Variants in SAMD5 observed in about 807,000 individuals in gnomAD.
The protein encoded by SAMD5 is sterile alpha motif domain-containing protein 5.
In SAMD5, 13 loss-of-function variants were observed where a neutral mutation model predicts 11.3. The ratio of observed to expected loss-of-function variants is 1.15; its 90% CI spans 0.75 to 1.83. The LOEUF (loss-of-function observed/expected upper bound fraction) is 1.83. Ranked by LOEUF, SAMD5 falls within the 40% of genes most tolerant of loss-of-function variation. The pLI is 0.00. For synonymous variants in SAMD5, 129 were observed against 111.3 expected (o/e 1.16, Z -1.00); for missense variants, 255 against 239.1 (o/e 1.07, Z -0.44).
chr6:147,848,383 AAAG>A, the SAMD5 span, among the ~76,000 whole-genome samples: 9 of 152,214 alleles, frequency 5.9e-5, no homozygotes, highest in Non-Finnish European at 1.0e-4. Context: ...TGTTTTGAGT[AAAG>A]AAGACAGTGA....
At chr6:147,718,340 G>A (rs554159202) in intron 1 of SAMD5, among the ~76,000 whole-genome samples, 3 of 152,214 alleles carry the variant, frequency 2.0e-5, no homozygotes, top group Non-Finnish European at 2.9e-5. Flanking sequence ...TGGAGAATGC[G>A]GATGTCTCCA....
At chr6:147,927,781 A>G in the SAMD5 span, among the ~76,000 whole-genome samples, 1 of 152,160 alleles carries the variant, frequency 6.6e-6, no homozygotes, top group Non-Finnish European at 1.5e-5. Flanking sequence ...TTCCTCATTC[A>G]GTATGATGTT....
chr6:147,718,707 T>C (rs1583151992), intron 1 of SAMD5, among the ~76,000 whole-genome samples: 2 of 152,124 alleles, frequency 1.3e-5, no homozygotes, highest in East Asian at 3.9e-4. Context: ...TTCTTTTTTT[T>C]GGAGGCAAAG....
chr6:147,528,600 C>T (rs919842758), intron 1 of SAMD5, among the ~76,000 whole-genome samples: 4 of 152,190 alleles, frequency 2.6e-5, no homozygotes, highest in African/African-American at 4.8e-5. Flanking sequence ...CAGTTCACCC[C>T]ATAAGACTGA....
the SAMD5 span, among the ~76,000 whole-genome samples, chr6:147,755,921 T>TTTATTTCATTTCATTTCA: frequency 6.6e-6 from 1 of 152,176 alleles, no homozygotes; most frequent in Non-Finnish European, 1.5e-5. Flanking sequence ...AAATGAATGC[T>TTTATTTCATTTCATTTCA]TTTCATTTCA....
At chr6:147,674,740 C>A (rs538423625) in intron 1 of SAMD5, among the ~76,000 whole-genome samples, 5 of 152,252 alleles carry the variant, frequency 3.3e-5, no homozygotes, top group African/African-American at 1.2e-4. Flanking sequence ...ATAGCTTGTA[C>A]TCTGTGAATG....
chr6:147,626,683 G>A (rs1312445909), intron 1 of SAMD5, among the ~76,000 whole-genome samples: 8 of 150,070 alleles, frequency 5.3e-5, no homozygotes, highest in African/African-American at 2.0e-4. Context: ...GCTAATTGTG[G>A]TGGCTCTTCT....
At chr6:147,744,921 A>ATAAATAAATAAATAAATAAATAAG in the SAMD5 span, among the ~76,000 whole-genome samples, 57 of 142,634 alleles carry the variant, frequency 4.0e-4, no homozygotes, top group Non-Finnish European at 5.2e-4. Flanking sequence ...AAATAAATAA[A>ATAAATAAATAAATAAATAAATAAG]TAAGTAAGTA....
the SAMD5 span, among the ~76,000 whole-genome samples, chr6:147,905,184 G>A: frequency 6.6e-6 from 1 of 151,478 alleles, no homozygotes; most frequent in Non-Finnish European, 1.5e-5. Flanking sequence ...CACTGCGCCC[G>A]GCCTTTTTTT....
the SAMD5 span, among the ~76,000 whole-genome samples, chr6:147,924,213 C>T: frequency 6.6e-6 from 1 of 152,128 alleles, no homozygotes; most frequent in Non-Finnish European, 1.5e-5. Context: ...CCTTAGGGCA[C>T]TCACTCTCAC....
At chr6:147,906,937 T>C in the SAMD5 span, among the ~76,000 whole-genome samples, 2 of 152,202 alleles carry the variant, frequency 1.3e-5, no homozygotes, top group Admixed American at 6.5e-5. Flanking sequence ...CAAATAGTTT[T>C]TTCAAAGGTA....
intron 1 of SAMD5, among the ~76,000 whole-genome samples, chr6:147,546,699 G>C (rs1788693283): frequency 6.6e-6 from 1 of 152,126 alleles, no homozygotes; most frequent in Non-Finnish European, 1.5e-5. Context: ...GGCATTAGAT[G>C]AATACAGAGT....
the SAMD5 span, among the ~76,000 whole-genome samples, chr6:147,836,244 C>T: frequency 6.6e-6 from 1 of 152,112 alleles, no homozygotes. Context: ...TATGCAGATT[C>T]AGAAAGATTA....
At chr6:147,542,126 G>A (rs1028211359) in intron 1 of SAMD5, among the ~76,000 whole-genome samples, 16 of 152,188 alleles carry the variant, frequency 1.1e-4, no homozygotes, top group African/African-American at 3.9e-4. Flanking sequence ...GTTAAGGGAC[G>A]TCTTCCCAGG....
At chr6:147,693,826 G>A (rs1447810918) in intron 1 of SAMD5, among the ~76,000 whole-genome samples, 5 of 152,014 alleles carry the variant, frequency 3.3e-5, no homozygotes, top group South Asian at 2.1e-4. Context: ...AAAATTAGCC[G>A]GGCGTGGTGG....
chr6:147,526,653 C>T lies in SAMD5; in HGVS notation c.459+17266C>T, dbSNP rs537647997. ...AGCTAAGGGAACTGGACTGTGAACTCCACAGGGATACTGTCCATTTATAAG... is the reference window on the plus strand; with the variant it reads ...AGCTAAGGGAACTGGACTGTGAACTTCACAGGGATACTGTCCATTTATAAG... On this transcript the variant is annotated intron_variant, in intron 1 of 1. Transcript: ENST00000367474. Among the ~76,000 whole-genome samples the T allele has an allele frequency of 4.6e-5, 7 of 152,330 alleles. No individual in the cohort carries two copies. In the South Asian group the frequency reaches 1.5e-3, roughly 32 times the overall value.
At chr6:147,595,207 T>C (rs966831365) in intron 1 of SAMD5, among the ~76,000 whole-genome samples, 2 of 152,252 alleles carry the variant, frequency 1.3e-5, no homozygotes, top group African/African-American at 4.8e-5. Context: ...ACATTTGGAA[T>C]GTTTGCACAA....
chr6:147,552,008 G>A lies in SAMD5; in HGVS notation c.460-12386G>A, dbSNP rs375426726. Among the ~76,000 whole-genome samples the A allele has an allele frequency of 1.7e-3, 253 of 152,010 alleles. 1 individual carries two copies. The highest frequency in any genetic ancestry group is 5.6e-3 in the African/African-American group (231 of 41,470). ...AAATTTTCTGAAAAATATCCCACCC[G>A]TTGAGCTTCTATGTTCTTGCTCTGG... On this transcript the variant is annotated intron_variant, in intron 1 of 1. Transcript: ENST00000367474.
chr6:147,807,079 GTTTTT>G, the SAMD5 span, among the ~76,000 whole-genome samples: 1 of 150,792 alleles, frequency 6.6e-6, no homozygotes, highest in Non-Finnish European at 1.5e-5. Flanking sequence ...AATTTCTGTT[GTTTTT>G]TTTTGTTTTG....
Sources: allele counts gnomAD v4.1 joint callset (sites outside exome capture counted in the v4.1 genomes callset), GRCh38; gene constraint gnomAD v4.1.1; transcripts MANE v1.5; gene names NCBI Gene and HGNC (gene_info 2026-07-23, HGNC 2026-07-21).